The following NEGR1 variants were observed in gnomAD, a reference collection of about 807,000 sequenced individuals.
NEGR1 encodes IgLON family member 4.
A neutral mutation model predicts 40.9 loss-of-function variants in NEGR1; 10 were observed. That is an observed-to-expected ratio of 0.24 (90% CI 0.15 to 0.42). The LOEUF (loss-of-function observed/expected upper bound fraction) is 0.42, where lower values mean the gene tolerates loss of function less well. Among genes scored for constraint, NEGR1 ranks in the 10% least tolerant of loss-of-function variants. NEGR1 has a pLI of 1.00. For missense variants in NEGR1, 352 were observed against 438.9 expected, an observed-to-expected ratio of 0.80 and a Z score of 1.77; for synonymous variants, 185 against 166.8, an observed-to-expected ratio of 1.11 and a Z score of -0.84.
At chr1:72,126,527 C>T (rs1216263928) in intron 1 of NEGR1, among the ~76,000 whole-genome samples, 7 of 152,114 alleles carry the variant, frequency 4.6e-5, no homozygotes, top group Non-Finnish European at 7.3e-5. Flanking sequence ...TACTATGACA[C>T]AAACGTAAAA....
chr1:72,214,494 A>G (rs1437264498), intron 1 of NEGR1, among the ~76,000 whole-genome samples: 2 of 152,150 alleles, frequency 1.3e-5, no homozygotes, highest in Admixed American at 1.3e-4. Flanking sequence ...AAACTCCTTA[A>G]GCTGATAAGC....
At chr1:71,823,126 T>C (rs1460195327) in intron 2 of NEGR1, among the ~76,000 whole-genome samples, 1 of 151,838 alleles carries the variant, frequency 6.6e-6, no homozygotes, top group Non-Finnish European at 1.5e-5. Flanking sequence ...CTACAATGCA[T>C]ACTTCGGAAT....
rs139414060 is a variant in NEGR1 at position 71,523,264 on chromosome 1, T to C, written c.940+69553A>G. ...TGAGGATGTTGGGTTGTTGTGAGGA[T>C]GTAATTTCATTTACATATGCAGGAA... is the stretch of plus-strand genomic sequence containing the variant. On this transcript the variant is annotated intron_variant, in intron 6 of 6. Coordinates refer to ENST00000357731, the MANE Select transcript of NEGR1 (RefSeq NM_173808.3). Among the ~76,000 whole-genome samples, 448 of 151,868 alleles carry C rather than the reference T, an allele frequency of 2.9e-3. 2 individuals carry two copies. The highest frequency in any genetic ancestry group is 4.9e-3 in the Non-Finnish European group (332 of 67,840).
intron 2 of NEGR1, among the ~76,000 whole-genome samples, chr1:71,806,681 C>T (rs959510242): frequency 6.6e-6 from 1 of 152,036 alleles, no homozygotes; most frequent in Admixed American, 6.6e-5. Flanking sequence ...CAAATACTCA[C>T]AATGGCCCTA....
chr1:72,195,058 A>G (rs1447305937), intron 1 of NEGR1, among the ~76,000 whole-genome samples: 2 of 152,072 alleles, frequency 1.3e-5, no homozygotes, highest in Admixed American at 6.6e-5. Flanking sequence ...ACCATTATGC[A>G]TCATGACAAT....
intron 1 of NEGR1, among the ~76,000 whole-genome samples, chr1:72,017,124 ATATG>A (rs975310046): frequency 5.2e-4 from 69 of 131,576 alleles, no homozygotes; most frequent in African/African-American, 2.1e-3. Context: ...ATATACACAT[ATATG>A]TGTGTGTGTG....
At chr1:72,207,808 A>G (rs879833458) in intron 1 of NEGR1, among the ~76,000 whole-genome samples, 2 of 151,800 alleles carry the variant, frequency 1.3e-5, no homozygotes, top group African/African-American at 2.4e-5. Flanking sequence ...ATTTATTAGC[A>G]AGTACAACTA....
At chr1:72,226,273 CAG>C (rs1333277646) in intron 1 of NEGR1, among the ~76,000 whole-genome samples, 1 of 151,856 alleles carries the variant, frequency 6.6e-6, no homozygotes, top group East Asian at 1.9e-4. Flanking sequence ...TTTAATAACA[CAG>C]GTCTTTTAAA....
chr1:72,210,671 AAT>A (rs1653570420), intron 1 of NEGR1, among the ~76,000 whole-genome samples: 1 of 151,866 alleles, frequency 6.6e-6, no homozygotes, highest in South Asian at 2.1e-4. Flanking sequence ...ATTTTTAGAG[AAT>A]ATGTGTGGTG....
At chr1:71,546,153 T>C (rs1484297744) in intron 6 of NEGR1, among the ~76,000 whole-genome samples, 6 of 151,712 alleles carry the variant, frequency 4.0e-5, no homozygotes, top group Admixed American at 6.6e-5. Flanking sequence ...TCAGTTATAG[T>C]TAGTGTAAAG....
chr1:71,904,845 T>G (rs374171025), intron 2 of NEGR1, among the ~76,000 whole-genome samples: 1 of 152,278 alleles, frequency 6.6e-6, no homozygotes, highest in South Asian at 2.1e-4. Flanking sequence ...CAAAGTTGTA[T>G]GATTTGACAG....
At chr1:72,100,564 GT>G (rs1648895636) in intron 1 of NEGR1, among the ~76,000 whole-genome samples, 1 of 152,092 alleles carries the variant, frequency 6.6e-6, no homozygotes, top group Non-Finnish European at 1.5e-5. Context: ...TCATTCAATT[GT>G]TCCAGTTTTA....
chr1:71,790,802 A>G (rs1288037212), intron 2 of NEGR1, among the ~76,000 whole-genome samples: 1 of 152,110 alleles, frequency 6.6e-6, no homozygotes, highest in African/African-American at 2.4e-5. Context: ...TCAACTGTGC[A>G]TTCTTTGAGT....
intron 4 of NEGR1, among the ~76,000 whole-genome samples, chr1:71,675,369 C>T (rs1652592153): frequency 6.7e-6 from 1 of 150,332 alleles, no homozygotes; most frequent in East Asian, 2.0e-4. Flanking sequence ...GAATAATTTC[C>T]CATTCACCAC....
chr1:71,702,230 A>G (rs1653722013), intron 3 of NEGR1, among the ~76,000 whole-genome samples: 2 of 152,034 alleles, frequency 1.3e-5, no homozygotes. Flanking sequence ...CATTCATTCA[A>G]TGGATATTAC....
chr1:72,054,243 C>A (rs376787259), intron 1 of NEGR1, among the ~76,000 whole-genome samples: 42 of 151,368 alleles, frequency 2.8e-4, no homozygotes, highest in African/African-American at 9.2e-4. Flanking sequence ...CAGGGACGCC[C>A]CTTAGGAAGT....
intron 5 of NEGR1, among the ~76,000 whole-genome samples, chr1:71,604,788 A>C (rs978105739): frequency 6.6e-6 from 1 of 151,974 alleles, no homozygotes; most frequent in Non-Finnish European, 1.5e-5. Context: ...TAGATAACTA[A>C]CCCTTCTCAC....
At chr1:72,015,114 C>T (rs1043095948) in intron 1 of NEGR1, among the ~76,000 whole-genome samples, 3 of 105,586 alleles carry the variant, frequency 2.8e-5, no homozygotes, top group South Asian at 3.5e-4. Flanking sequence ...GACAGTCACA[C>T]TAATGAGTTA....
At chr1:71,418,439 G>C (rs1237241336) in intron 6 of NEGR1, among the ~76,000 whole-genome samples, 1 of 151,670 alleles carries the variant, frequency 6.6e-6, no homozygotes, top group African/African-American at 2.4e-5. Context: ...TCAGCCTCTC[G>C]AGTAGCTGGG....
Sources: gnomAD v4.1 joint callset for allele counts (sites outside exome capture counted in the v4.1 genomes callset) on GRCh38, gnomAD v4.1.1 for gene constraint, MANE v1.5 for transcripts, NCBI Gene and HGNC (gene_info 2026-07-23, HGNC 2026-07-21) for gene names.